Variants in HPF1 observed in about 807,000 individuals in gnomAD.
The protein encoded by HPF1 is UPF0609 protein C4orf27.
HPF1 carries 35 observed loss-of-function variants against 38.8 expected under a neutral mutation model. That is an observed-to-expected ratio of 0.90 (90% CI 0.69 to 1.19). HPF1 has a LOEUF of 1.19. Ranked by LOEUF, HPF1 falls within the 50% of genes most tolerant of loss-of-function variation. HPF1 has a pLI of 0.00. For synonymous variants in HPF1, 115 were observed against 139.2 expected, an observed-to-expected ratio of 0.83 and a Z score of 1.22; for missense variants, 367 against 405.8, an observed-to-expected ratio of 0.90 and a Z score of 0.82.
In HPF1 at chr4:169,733,738, A is replaced by G. The variant is rs78537182; in HGVS notation, c.737-1862T>C. 1.1e-4 allele frequency among the ~76,000 whole-genome samples: 16 copies of G among 152,036 alleles called. No individual in the cohort carries two copies. In the South Asian group the frequency reaches 3.1e-3, roughly 30 times the overall value. On this transcript the variant is annotated intron_variant, in intron 6 of 7. Transcript: ENST00000393381. ...TGGTGAGACCCTGTCTCTACAAAAA[A>G]TAGAGAAATTAGCTGGACTTGGTGG...
At chr4:169,733,598 T>A (rs1342570374) in intron 6 of HPF1, among the ~76,000 whole-genome samples, 1 of 152,192 alleles carries the variant, frequency 6.6e-6, no homozygotes, top group Non-Finnish European at 1.5e-5. Context: ...GGTATGATAT[T>A]ACCAGGGACG....
intron 1 of HPF1, among the ~76,000 whole-genome samples, chr4:169,754,142 G>A (rs987571315): frequency 2.0e-5 from 3 of 152,120 alleles, no homozygotes; most frequent in African/African-American, 7.2e-5. Context: ...ATAAAGAAAG[G>A]GCAGATTTTG....
chr4:169,731,346 G>A (rs1733825283), intron 7 of HPF1, among the ~76,000 whole-genome samples: 1 of 152,094 alleles, frequency 6.6e-6, no homozygotes, highest in Admixed American at 6.6e-5. Context: ...TAAGGTGTGT[G>A]CACACACCCC....
intron 4 of HPF1, among the ~76,000 whole-genome samples, chr4:169,742,598 C>G (rs188551563): frequency 0.017 from 2,523 of 152,304 alleles, 29 homozygotes; most frequent in Middle Eastern, 0.037. Flanking sequence ...CAAGACCATC[C>G]TGGCTAACAA....
intron 4 of HPF1, among the ~76,000 whole-genome samples, chr4:169,742,657 T>TG (rs1205043743): frequency 6.6e-6 from 1 of 152,132 alleles, no homozygotes; most frequent in Non-Finnish European, 1.5e-5. Flanking sequence ...CCGGGCGTGA[T>TG]GGCGGGCGCC....
At chr4:169,740,433 C>T (rs1733954401) in intron 5 of HPF1, among the ~76,000 whole-genome samples, 1 of 152,286 alleles carries the variant, frequency 6.6e-6, no homozygotes, top group African/African-American at 2.4e-5. Context: ...ACACTGATTT[C>T]TAGTGTGCTG....
intron 3 of HPF1, 79 bp from the exon 4 acceptor site, chr4:169,748,921 C>T: frequency 1.6e-6 from 1 of 634,580 alleles, no homozygotes; most frequent in Non-Finnish European, 2.8e-6. Context: ...GGTCTACAGA[C>T]AACAATTTAC....
intron 1 of HPF1, among the ~76,000 whole-genome samples, chr4:169,755,134 A>G (rs1285577865): frequency 7.0e-6 from 1 of 143,722 alleles, no homozygotes; most frequent in Non-Finnish European, 1.5e-5. Context: ...GTATCATTCA[A>G]CGTCTACAAA....
rs1260081810 is a variant in HPF1, at chr4:169,753,783, G to A, written c.101C>T (p.Ser34Phe). Residue 34 changes from serine (S) to phenylalanine (F), a missense_variant, in exon 2 of 8, where the codon TCC (serine) becomes TTC (phenylalanine). By Grantham distance (155) the Ser-to-Phe change is radical (BLOSUM62 -2). Coordinates refer to ENST00000393381, the MANE Select transcript of HPF1 (RefSeq NM_017867.3). ...TTCTACTTCTTTTCGAAGGTCACTG[G>A]AGACATCAGCTTCACAGAATTTACT... ...KKSKFCEADV[S>F]SDLRKEVENH... 1 of 1,613,074 alleles carries A rather than the reference G, an allele frequency of 6.2e-7. No homozygotes were observed. Among genetic ancestry groups the A allele is most frequent in the South Asian group, 1.1e-5 (1 of 90,732 alleles).
At chr4:169,734,938 C>A (rs1379821927) in intron 6 of HPF1, among the ~76,000 whole-genome samples, 4 of 152,044 alleles carry the variant, frequency 2.6e-5, no homozygotes, top group Non-Finnish European at 5.9e-5. Context: ...CCAGCCTGAT[C>A]AACATGGTTG....
chr4:169,752,932 T>C (rs1388810550), intron 2 of HPF1, among the ~76,000 whole-genome samples: 1 of 152,066 alleles, frequency 6.6e-6, no homozygotes, highest in Non-Finnish European at 1.5e-5. Flanking sequence ...GGCATTACTA[T>C]AGCATTAATC....
intron 6 of HPF1, among the ~76,000 whole-genome samples, chr4:169,735,979 T>C (rs546232945): frequency 6.7e-6 from 1 of 148,336 alleles, no homozygotes; most frequent in Admixed American, 6.7e-5. Context: ...GAAATTAAGA[T>C]ATTTTATTTA....
chr4:169,735,349 T>G (rs1321923089), intron 6 of HPF1, among the ~76,000 whole-genome samples: 1 of 152,178 alleles, frequency 6.6e-6, no homozygotes, highest in African/African-American at 2.4e-5. Context: ...AAAGCGTTAT[T>G]GTGAGAAGCT....
At chr4:169,749,547 G>C (rs541667827) in intron 3 of HPF1, among the ~76,000 whole-genome samples, 1 of 152,108 alleles carries the variant, frequency 6.6e-6, no homozygotes, top group African/African-American at 2.4e-5. Context: ...AGGAAAGCCA[G>C]GTCCCTCCCA....
chr4:169,751,249 A>G (rs1028346555), intron 2 of HPF1, among the ~76,000 whole-genome samples: 1 of 151,980 alleles, frequency 6.6e-6, no homozygotes, highest in Non-Finnish European at 1.5e-5. Context: ...CTAAAAATAC[A>G]AAAATTAGCC....
intron 3 of HPF1, among the ~76,000 whole-genome samples, 163 bp from the exon 4 acceptor site, chr4:169,749,005 A>C (rs1323607001): frequency 6.6e-6 from 1 of 151,974 alleles, no homozygotes; most frequent in African/African-American, 2.4e-5. Flanking sequence ...ACATCAAACA[A>C]AAATTTCTGT....
intron 1 of HPF1, among the ~76,000 whole-genome samples, chr4:169,755,358 A>C (rs1734175584): frequency 6.6e-6 from 1 of 152,196 alleles, no homozygotes; most frequent in Non-Finnish European, 1.5e-5. Context: ...TGCAAATAAA[A>C]AAATACAGTA....
chr4:169,733,207 G>C (rs780061199), intron 6 of HPF1, among the ~76,000 whole-genome samples: 9 of 152,276 alleles, frequency 5.9e-5, no homozygotes, highest in Non-Finnish European at 1.2e-4. Context: ...TAAGAATAGA[G>C]AGAAAATGTC....
intron 6 of HPF1, 65 bp from the exon 7 acceptor site, chr4:169,731,941 T>G (rs984180829): frequency 2.2e-5 from 30 of 1,337,142 alleles, no homozygotes; most frequent in Non-Finnish European, 2.9e-5. Context: ...TCTTCAAAAG[T>G]AAGAAGATTA....
Sources: allele counts gnomAD v4.1 joint callset (sites outside exome capture counted in the v4.1 genomes callset), GRCh38; gene constraint gnomAD v4.1.1; transcripts MANE v1.5; gene names NCBI Gene and HGNC (gene_info 2026-07-23, HGNC 2026-07-21).